Variants in TFDP2 observed in about 807,000 individuals in gnomAD.
The protein encoded by TFDP2 is transcription factor Dp-2 (E2F dimerization partner 2).
A neutral mutation model predicts 59.3 loss-of-function variants in TFDP2; 17 were observed. The observed-to-expected ratio is 0.29, with a 90% CI of 0.20 to 0.43. The LOEUF is 0.43. Ranked by LOEUF, TFDP2 falls within the 20% of genes least tolerant of loss-of-function variation. TFDP2 has a pLI of 1.00. For synonymous variants in TFDP2, 180 were observed against 194.7 expected (o/e 0.92, Z 0.63); for missense variants, 391 against 528.8 (o/e 0.74, Z 2.56).
rs576537605 is a variant in TFDP2 at position 141,968,618 on chromosome 3, A to C, written c.732+1455T>G. ...GATATATATAACATATATATCTCAT[A>C]TATAGATATATATAACACATATATA... On this transcript the variant is annotated intron_variant, in intron 9 of 12. Transcript: ENST00000489671. Among the ~76,000 whole-genome samples the C allele has an allele frequency of 1.6e-4, 19 of 115,202 alleles. No individual in the cohort carries two copies. The East Asian group carries it at 4.2e-3, about 26-fold the overall frequency. The allele number at this position is 115,202 out of a possible 152,430, so 75.6% of individuals were successfully genotyped here.
At chr3:142,025,858 G>A (rs1333329981) in intron 3 of TFDP2, among the ~76,000 whole-genome samples, 1 of 152,134 alleles carries the variant, frequency 6.6e-6, no homozygotes, top group Non-Finnish European at 1.5e-5. Context: ...CAGCTACTTG[G>A]GGGGCTGAGG....
chr3:141,953,889 G>A (rs938443279), intron 11 of TFDP2, among the ~76,000 whole-genome samples: 1 of 150,052 alleles, frequency 6.7e-6, no homozygotes, highest in African/African-American at 2.5e-5. Context: ...AAATAGTTTG[G>A]GCTGAGCACG....
At chr3:142,129,457 G>C (rs1415485052) in intron 1 of TFDP2, among the ~76,000 whole-genome samples, 3 of 151,924 alleles carry the variant, frequency 2.0e-5, no homozygotes, top group African/African-American at 7.3e-5. Flanking sequence ...AGACATACTA[G>C]ACAATGAAAA....
rs186324715 is a variant in TFDP2 at position 141,990,413 on chromosome 3, T to C, written c.356+3125A>G. ...CCTCAGCCTCCTGAGTAGCTGGGATTACAGGCACCCACCACCATGCCCAAC... is the reference window on the plus strand; with the variant it reads ...CCTCAGCCTCCTGAGTAGCTGGGATCACAGGCACCCACCACCATGCCCAAC... On this transcript the variant is annotated intron_variant, in intron 6 of 12. Coordinates refer to ENST00000489671, the MANE Select transcript of TFDP2 (RefSeq NM_001178139.2). Among the ~76,000 whole-genome samples, 133 of 152,226 alleles carry C rather than the reference T, an allele frequency of 8.7e-4. 2 individuals carry two copies. The Middle Eastern group carries it at 0.017, about 19-fold the overall frequency.
At chr3:142,147,317 A>C (rs1008829415) in intron 1 of TFDP2, among the ~76,000 whole-genome samples, 5 of 152,212 alleles carry the variant, frequency 3.3e-5, no homozygotes, top group African/African-American at 1.2e-4. Context: ...TCTATGATCT[A>C]AAAGAACTCT....
intron 1 of TFDP2, among the ~76,000 whole-genome samples, chr3:142,148,297 C>T (rs981849247): frequency 1.3e-5 from 2 of 152,112 alleles, no homozygotes; most frequent in African/African-American, 4.8e-5. Context: ...TATTCATGGG[C>T]TCAAAGGCAG....
intron 1 of TFDP2, among the ~76,000 whole-genome samples, chr3:142,148,212 G>A (rs745834022): frequency 2.6e-5 from 4 of 152,020 alleles, no homozygotes; most frequent in African/African-American, 9.7e-5. Context: ...AGCTAAAAGA[G>A]AGCCTTACTG....
intron 1 of TFDP2, among the ~76,000 whole-genome samples, chr3:142,118,773 G>A (rs1001118594): frequency 6.6e-6 from 1 of 152,066 alleles, no homozygotes. Flanking sequence ...GAGAGAAATT[G>A]ATTGAAATGA....
At chr3:141,987,625 T>C (rs1942253961) in intron 6 of TFDP2, among the ~76,000 whole-genome samples, 1 of 151,384 alleles carries the variant, frequency 6.6e-6, no homozygotes, top group African/African-American at 2.4e-5. Context: ...CATGTGTGTG[T>C]GTTTTAAAGA....
chr3:142,022,583 C>T (rs1009872422), intron 3 of TFDP2, among the ~76,000 whole-genome samples: 13 of 152,066 alleles, frequency 8.5e-5, no homozygotes, highest in Non-Finnish European at 1.6e-4. Context: ...TATCTCATAC[C>T]AACAGCCACT....
rs185563233 is a variant in TFDP2, at chr3:141,978,340, G to A, written c.519+180C>T. Among the ~76,000 whole-genome samples the A allele has an allele frequency of 1.6e-4, 21 of 132,464 alleles. No homozygotes were observed. The South Asian group carries it at 3.5e-3, about 22-fold the overall frequency. The allele number at this position is 132,464 out of a possible 152,430, so 86.9% of individuals were successfully genotyped here. ...AGCCTGGGCGACAGAGTGAGGTTCC[G>A]CCTAAAAAACAAAAAAAAAGGAATT... On this transcript the variant is annotated intron_variant, in intron 7 of 12. Transcript: ENST00000489671.
intron 3 of TFDP2, among the ~76,000 whole-genome samples, chr3:142,047,810 T>G (rs1947418735): frequency 6.6e-6 from 1 of 150,806 alleles, no homozygotes. Flanking sequence ...GGCGCGATCT[T>G]GGTTCACTGC....
chr3:142,143,245 A>G (rs1260649131), intron 1 of TFDP2, among the ~76,000 whole-genome samples: 1 of 152,134 alleles, frequency 6.6e-6, no homozygotes, highest in Non-Finnish European at 1.5e-5. Context: ...AAAAAAAAAA[A>G]TCAAATCAAA....
At chr3:142,052,603 CTTTT>C (rs1947692444) in intron 3 of TFDP2, among the ~76,000 whole-genome samples, 1 of 151,676 alleles carries the variant, frequency 6.6e-6, no homozygotes. Flanking sequence ...TTTCTTTCCT[CTTTT>C]TTTTCTGAGA....
intron 1 of TFDP2, among the ~76,000 whole-genome samples, chr3:142,127,841 T>C (rs2062328034): frequency 6.6e-6 from 1 of 152,220 alleles, no homozygotes; most frequent in African/African-American, 2.4e-5. Flanking sequence ...ACAATCTCAG[T>C]TGGGGCTGTT....
At chr3:141,993,299 AG>A (rs1214991358) in intron 6 of TFDP2, among the ~76,000 whole-genome samples, 3 of 152,190 alleles carry the variant, frequency 2.0e-5, no homozygotes, top group Admixed American at 1.3e-4. Context: ...ATGGAAAGAG[AG>A]GAGAGACTAA....
chr3:142,120,378 G>T lies in TFDP2; in HGVS notation c.-92-18537C>A, dbSNP rs186710452. Among the ~76,000 whole-genome samples the T allele has an allele frequency of 3.9e-5, 6 of 152,124 alleles. No homozygotes were observed. The East Asian group carries it at 7.7e-4, about 20-fold the overall frequency. On this transcript the variant is annotated intron_variant, in intron 1 of 12. Transcript: ENST00000489671. ...CTACGTCTCAAAAAAAAGAAAAAAA[G>T]AAAGAAAACATATCAATGATATAGT...
At chr3:142,089,120 C>A (rs1192458455) in intron 3 of TFDP2, among the ~76,000 whole-genome samples, 3 of 151,998 alleles carry the variant, frequency 2.0e-5, no homozygotes, top group Admixed American at 6.6e-5. Context: ...TGAGTCACTG[C>A]GTCCAGCAGG....
intron 11 of TFDP2, among the ~76,000 whole-genome samples, chr3:141,957,823 G>A (rs980446434): frequency 1.3e-5 from 2 of 152,170 alleles, no homozygotes; most frequent in African/African-American, 2.4e-5. Context: ...GGGAGAATGG[G>A]GGAATAGAGA....
Sources: gnomAD v4.1 joint callset for allele counts (sites outside exome capture counted in the v4.1 genomes callset) on GRCh38, gnomAD v4.1.1 for gene constraint, MANE v1.5 for transcripts, NCBI Gene and HGNC (gene_info 2026-07-23, HGNC 2026-07-21) for gene names.